Variants in TBC1D23 observed in about 807,000 individuals in gnomAD.
TBC1D23 encodes the protein HCV non-structural protein 4A-transactivated protein 1.
TBC1D23 carries 55 observed loss-of-function variants against 91.4 expected under a neutral mutation model. The ratio of observed to expected loss-of-function variants is 0.60; its 90% CI spans 0.48 to 0.75. The LOEUF is 0.75. TBC1D23 is among the 30% of genes least tolerant of loss of function. The probability of loss-of-function intolerance (pLI) is 0.00; values close to 1 mark genes in which losing one functional copy is unlikely to be tolerated. For missense variants in TBC1D23, 725 were observed against 836.1 expected, an observed-to-expected ratio of 0.87 and a Z score of 1.64; for synonymous variants, 289 against 281.0, an observed-to-expected ratio of 1.03 and a Z score of -0.28.
rs1207476327 is a variant in TBC1D23 at position 100,261,060 on chromosome 3, C to G, written c.42C>G (p.Ser14Arg). ...ATGTGCCGCCGCTGCCAACGTCGAG[C>G]GGCGACGGCTGGTGAGTGAAAGCCG... ...GEDVPPLPTSSGDGWEKDLEE... is the reference protein window; with the variant it reads ...GEDVPPLPTSRGDGWEKDLEE... The change falls in exon 1 of 19, where the codon AGC becomes AGG. Residue 14 changes from serine to arginine, a missense_variant. Coordinates refer to ENST00000394144, the MANE Select transcript of TBC1D23 (RefSeq NM_001199198.3). The G allele has an allele frequency of 6.2e-7, 1 of 1,613,660 alleles. No homozygotes were observed. Among genetic ancestry groups the G allele is most frequent in the Admixed American group, 1.7e-5 (1 of 60,012 alleles).
intron 1 of TBC1D23, among the ~76,000 whole-genome samples, chr3:100,279,223 A>G (rs999893327): frequency 2.6e-5 from 4 of 152,290 alleles, no homozygotes; most frequent in South Asian, 2.1e-4. Flanking sequence ...CCATTTTTGC[A>G]TCTGTACGTG....
intron 9 of TBC1D23, 31 bp from the exon 10 acceptor site, chr3:100,299,208 T>G (rs1705373035): frequency 6.8e-7 from 1 of 1,463,244 alleles, no homozygotes; most frequent in Non-Finnish European, 9.6e-7. Context: ...CATGGGAAAT[T>G]CCTGTATGTC....
At position 100,267,517 on chromosome 3, in the gene TBC1D23, CTT is replaced by C. The variant is rs533545654; in HGVS notation, c.53+6451_53+6452del. Among the ~76,000 whole-genome samples the C allele has an allele frequency of 1.5e-4, 23 of 152,118 alleles. No individual in the cohort carries two copies. In the East Asian group the frequency reaches 4.4e-3, roughly 29 times the overall value. On this transcript the variant is annotated intron_variant, in intron 1 of 18. Transcript: ENST00000394144. ...GGTGGAAATCTTGTAGTGTTTGCTT[CTT>C]TTTTATTTTAAAGTAGTTGTTACAT...
intron 15 of TBC1D23, 21 bp from the exon 16 acceptor site, chr3:100,316,078 C>T (rs1576186979): frequency 1.3e-6 from 2 of 1,571,858 alleles, no homozygotes; most frequent in Admixed American, 1.7e-5. Flanking sequence ...TTATTTCTCT[C>T]CTAAAATTCT....
At chr3:100,316,871 C>A (rs962334632) in intron 16 of TBC1D23, among the ~76,000 whole-genome samples, 1 of 152,008 alleles carries the variant, frequency 6.6e-6, no homozygotes, top group Non-Finnish European at 1.5e-5. Flanking sequence ...GCGGGCGGAT[C>A]ACTTGAGGTC....
chr3:100,293,332 A>C (rs1169325326), intron 5 of TBC1D23, among the ~76,000 whole-genome samples: 2 of 151,678 alleles, frequency 1.3e-5, no homozygotes, highest in Non-Finnish European at 2.9e-5. Context: ...ATGGGATTTC[A>C]CCATGTTAGC....
chr3:100,294,392 C>T (rs1015487196), intron 5 of TBC1D23, among the ~76,000 whole-genome samples: 2 of 151,940 alleles, frequency 1.3e-5, no homozygotes, highest in Non-Finnish European at 2.9e-5. Flanking sequence ...TCCCAAGTAG[C>T]TGGGACTACA....
intron 10 of TBC1D23, among the ~76,000 whole-genome samples, chr3:100,301,358 A>G (rs968136147): frequency 1.5e-4 from 23 of 152,168 alleles, no homozygotes; most frequent in Admixed American, 1.2e-3. Context: ...GATATTATCA[A>G]TCTTTTCTTA....
rs922510294 is a variant in TBC1D23, at chr3:100,265,601, T to C, written c.53+4530T>C. On this transcript the variant is annotated intron_variant, in intron 1 of 18. Coordinates refer to ENST00000394144, the MANE Select transcript of TBC1D23 (RefSeq NM_001199198.3). ...TTGAACATATGTTCTCATTTTCCGA[T>C]ACTTTCTTCCCAAAATAATGTCTAA... Among the ~76,000 whole-genome samples the C allele has an allele frequency of 8.5e-5, 13 of 152,234 alleles. No homozygotes were observed. The East Asian group carries it at 2.5e-3, about 29-fold the overall frequency.
chr3:100,281,581 G>T, intron 2 of TBC1D23, 161 bp from the exon 3 acceptor site: 1 of 436,534 alleles, frequency 2.3e-6, no homozygotes, highest in East Asian at 3.6e-5. Context: ...TAATTCTGCT[G>T]GTTGTGACAT....
chr3:100,297,227 G>A (rs185117577), intron 8 of TBC1D23, among the ~76,000 whole-genome samples: 1 of 152,168 alleles, frequency 6.6e-6, no homozygotes, highest in Non-Finnish European at 1.5e-5. Flanking sequence ...TACTCATCGT[G>A]TCACTGAAGT....
rs1705377258 is a variant in TBC1D23 at position 100,299,413 on chromosome 3, G to A, written c.1092+82G>A. 3.9e-6 allele frequency: 3 copies of A among 779,020 alleles called. No individual in the cohort carries two copies. In the South Asian group the frequency reaches 5.9e-5, roughly 15 times the overall value. 48.3% of individuals were successfully genotyped at this position (779,020 alleles called of 1,614,324 possible). A position where few individuals can be genotyped will look rare whatever the true frequency, so the allele number is the denominator to read the frequency against. On this transcript the variant is annotated intron_variant, in intron 10 of 18. Coordinates refer to ENST00000394144, the MANE Select transcript of TBC1D23 (RefSeq NM_001199198.3). ...AAATAAATATATAGGTCCCAGATTG[G>A]GGAATTTTTTTCTTTCTGCTTAAGG...
chr3:100,298,817 C>T (rs148198314), intron 9 of TBC1D23, among the ~76,000 whole-genome samples: 12 of 152,264 alleles, frequency 7.9e-5, no homozygotes, highest in African/African-American at 2.9e-4. Context: ...CCCTTCATCC[C>T]CCCACACGAA....
At chr3:100,319,411 A>G (rs1215313398) in intron 17 of TBC1D23, among the ~76,000 whole-genome samples, 16 of 151,408 alleles carry the variant, frequency 1.1e-4, no homozygotes. Flanking sequence ...GGAATAGTAC[A>G]TTGAACACCC....
chr3:100,294,249 A>AT (rs915815707), intron 5 of TBC1D23, among the ~76,000 whole-genome samples: 303 of 149,816 alleles, frequency 2.0e-3, no homozygotes, highest in African/African-American at 6.5e-3. Context: ...AATGTTATTT[A>AT]TTTTTTTTTG....
At chr3:100,272,355 T>C (rs956445649) in intron 1 of TBC1D23, among the ~76,000 whole-genome samples, 2 of 152,228 alleles carry the variant, frequency 1.3e-5, no homozygotes, top group African/African-American at 2.4e-5. Context: ...TTTGAGAACA[T>C]GCAGTATTTC....
Position 100,283,710 on chromosome 3 carries a change from C to T in TBC1D23, c.375C>T (p.Ser125=). ...CACGTAACATTAAATATAGCACATC[C>T]CTTAGCTGGATACATCTACTGAAAC... ...CKSRNIKYST[S]LSWIHLLKPL... Residue 125 remains serine (S), a synonymous_variant, in exon 4 of 19, where the codon TCC becomes TCT. Transcript: ENST00000394144. 1 of 1,612,094 alleles carries T rather than the reference C, an allele frequency of 6.2e-7. No homozygotes were observed. The highest frequency in any genetic ancestry group is 1.3e-5 in the African/African-American group (1 of 74,990).
intron 10 of TBC1D23, 103 bp downstream of exon 10, chr3:100,299,434 T>A: frequency 3.4e-6 from 2 of 591,418 alleles, no homozygotes; most frequent in Non-Finnish European, 5.8e-6. Flanking sequence ...TCTTTCTGCT[T>A]AAGGAGGGAG....
At chr3:100,299,033 A>G (rs1464898054) in intron 9 of TBC1D23, among the ~76,000 whole-genome samples, 1 of 152,262 alleles carries the variant, frequency 6.6e-6, no homozygotes, top group Non-Finnish European at 1.5e-5. Flanking sequence ...AACATCTAAA[A>G]AAGAAAAATG....
Sources: gnomAD v4.1 joint callset for allele counts (sites outside exome capture counted in the v4.1 genomes callset) on GRCh38, gnomAD v4.1.1 for gene constraint, MANE v1.5 for transcripts, NCBI Gene and HGNC (gene_info 2026-07-23, HGNC 2026-07-21) for gene names.